Variants in VPS54 observed in about 807,000 individuals in gnomAD.
VPS54 encodes the protein VPS54 subunit of GARP complex.
VPS54 carries 45 observed loss-of-function variants against 121.5 expected under a neutral mutation model. The ratio of observed to expected loss-of-function variants is 0.37; its 90% CI spans 0.29 to 0.47. The LOEUF is 0.47. Among genes scored for constraint, VPS54 ranks in the 20% least tolerant of loss-of-function variants. VPS54 has a pLI of 0.99. For synonymous variants in VPS54, 371 were observed against 385.8 expected (o/e 0.96, Z 0.45); for missense variants, 1,090 against 1,131.4 (o/e 0.96, Z 0.52).
At chr2:63,916,639 T>C (rs1033635950) in intron 16 of VPS54, among the ~76,000 whole-genome samples, 4 of 152,124 alleles carry the variant, frequency 2.6e-5, no homozygotes, top group Admixed American at 2.0e-4. Context: ...TCTTGGGTTG[T>C]CTAGATTTCT....
rs9309357 is a variant in VPS54, at chr2:63,938,059, G to GTGGTGTGTGTGTGTGT, written c.1399-4047_1399-4046insACACACACACACACCA. Among the ~76,000 whole-genome samples the GTGGTGTGTGTGTGTGT allele has an allele frequency of 1.3e-4, 18 of 140,472 alleles. No homozygotes were observed. In the East Asian group the frequency reaches 1.4e-3, roughly 11 times the overall value. 92.2% of individuals were successfully genotyped at this position (140,472 alleles called of 152,430 possible). A position where few individuals can be genotyped will look rare whatever the true frequency, so the allele number is the denominator to read the frequency against. On this transcript the variant is annotated intron_variant, in intron 11 of 22. Coordinates refer to ENST00000272322, the MANE Select transcript of VPS54 (RefSeq NM_016516.3). ...AAACGTGTGTGTGTGTGGTGTGTGT[G>GTGGTGTGTGTGTGTGT]GTGTGTGTGTGTGTGTGTGTGTGTG...
At position 63,947,509 on chromosome 2, in the gene VPS54, G is replaced by A; in HGVS notation, c.1138-19C>T. On this transcript the variant is annotated intron_variant, in intron 8 of 22. Coordinates refer to ENST00000272322, the MANE Select transcript of VPS54 (RefSeq NM_016516.3). ...GTCTTTCCTGTTAAAATAAAAGTAT[G>A]TAACTTGACATTTTAAATATGAAGT... The A allele has an allele frequency of 1.4e-6, 2 of 1,448,188 alleles. No homozygotes were observed. Among genetic ancestry groups the A allele is most frequent in the Non-Finnish European group, 1.9e-6 (2 of 1,068,770 alleles). The allele number at this position is 1,448,188 out of a possible 1,614,324, so 89.7% of individuals were successfully genotyped here.
chr2:63,982,816 T>G (rs1457433290), intron 2 of VPS54, among the ~76,000 whole-genome samples: 1 of 152,172 alleles, frequency 6.6e-6, no homozygotes, highest in East Asian at 1.9e-4. Context: ...AACATTAGTT[T>G]ATAGTATGAG....
intron 20 of VPS54, among the ~76,000 whole-genome samples, chr2:63,901,630 C>G (rs190812899): frequency 1.6e-4 from 24 of 152,258 alleles, no homozygotes; most frequent in African/African-American, 5.3e-4. Flanking sequence ...CCCCCAAACC[C>G]TATTCTCATA....
chr2:64,004,366 A>C (rs1678026503), intron 1 of VPS54, among the ~76,000 whole-genome samples: 2 of 152,344 alleles, frequency 1.3e-5, no homozygotes, highest in South Asian at 4.1e-4. Flanking sequence ...TGTTAAAAAC[A>C]TTATATTCTC....
At position 63,920,641 on chromosome 2, in the gene VPS54, C is replaced by T. The variant is rs775657140; in HGVS notation, c.1870-14G>A. The T allele has an allele frequency of 1.4e-6, 2 of 1,448,338 alleles. No individual in the cohort carries two copies. Among genetic ancestry groups the T allele is most frequent in the Admixed American group, 2.4e-5 (1 of 41,890 alleles). The allele number at this position is 1,448,338 out of a possible 1,614,324, so 89.7% of individuals were successfully genotyped here. ...AAGAAAACCATCCTAAATTTTAATA[C>T]AAAAATCATGAGAGTTAGTGTAACA... On this transcript the variant is annotated splice_polypyrimidine_tract_variant and intron_variant, in intron 13 of 22. Coordinates refer to ENST00000272322, the MANE Select transcript of VPS54 (RefSeq NM_016516.3).
chr2:63,990,620 C>T (rs1296502561), intron 1 of VPS54, among the ~76,000 whole-genome samples: 1 of 150,908 alleles, frequency 6.6e-6, no homozygotes, highest in Non-Finnish European at 1.5e-5. Flanking sequence ...CCTGGTCCGA[C>T]CCCCTCAACC....
At chr2:63,968,090 T>C (rs562814202) in intron 5 of VPS54, among the ~76,000 whole-genome samples, 1 of 151,928 alleles carries the variant, frequency 6.6e-6, no homozygotes, top group East Asian at 1.9e-4. Flanking sequence ...ATATAAATGA[T>C]ATCCTTCTAC....
intron 1 of VPS54, among the ~76,000 whole-genome samples, chr2:64,014,556 TATCA>T (rs1311583111): frequency 7.8e-6 from 1 of 127,812 alleles, no homozygotes; most frequent in East Asian, 2.1e-4. Flanking sequence ...ACTAGTTTGT[TATCA>T]ATATTTGTAT....
chr2:64,002,636 G>T (rs866065428), intron 1 of VPS54, among the ~76,000 whole-genome samples: 1 of 152,294 alleles, frequency 6.6e-6, no homozygotes, highest in African/African-American at 2.4e-5. Flanking sequence ...CTAGAAATAT[G>T]CAGGGAGATG....
intron 7 of VPS54, among the ~76,000 whole-genome samples, chr2:63,956,976 C>T (rs942651819): frequency 5.3e-5 from 8 of 152,088 alleles, no homozygotes; most frequent in Non-Finnish European, 8.8e-5. Context: ...CATTCGAATG[C>T]ATTCTTGGGC....
intron 20 of VPS54, among the ~76,000 whole-genome samples, chr2:63,904,998 TAAATAA>T (rs1251110536): frequency 5.3e-5 from 8 of 151,782 alleles, no homozygotes; most frequent in Non-Finnish European, 1.2e-4. Context: ...TATTTTGAAA[TAAATAA>T]AAATAAAAGC....
At chr2:63,920,177 A>G (rs899085417) in intron 14 of VPS54, among the ~76,000 whole-genome samples, 182 bp from the exon 15 acceptor site, 2 of 152,174 alleles carry the variant, frequency 1.3e-5, no homozygotes, top group African/African-American at 4.8e-5. Flanking sequence ...CTAATCAAAA[A>G]GAATGATGAA....
intron 20 of VPS54, 116 bp from the exon 21 acceptor site, chr2:63,899,697 C>T: frequency 1.3e-6 from 1 of 791,836 alleles, no homozygotes; most frequent in Non-Finnish European, 2.0e-6. Context: ...TGGCATAGTA[C>T]TTAAGCTTAC....
intron 3 of VPS54, among the ~76,000 whole-genome samples, chr2:63,978,031 G>A (rs770712649): frequency 6.6e-6 from 1 of 152,128 alleles, no homozygotes; most frequent in Non-Finnish European, 1.5e-5. Flanking sequence ...CCACTGATGT[G>A]GTGGTAATGC....
intron 22 of VPS54, 146 bp downstream of exon 22, chr2:63,897,350 G>T (rs1672488389): frequency 6.9e-6 from 4 of 577,490 alleles, no homozygotes; most frequent in Non-Finnish European, 1.2e-5. Context: ...ATTTCCACAG[G>T]GGAAAAAAAA....
intron 1 of VPS54, among the ~76,000 whole-genome samples, chr2:64,001,175 G>C (rs1319262101): frequency 6.6e-6 from 1 of 152,142 alleles, no homozygotes; most frequent in African/African-American, 2.4e-5. Context: ...GGCCCATAGG[G>C]AGTACTGCCA....
chr2:63,905,370 C>T (rs1278611804), intron 20 of VPS54, among the ~76,000 whole-genome samples: 1 of 152,050 alleles, frequency 6.6e-6, no homozygotes, highest in Non-Finnish European at 1.5e-5. Context: ...TAATACAGAT[C>T]CTCACTGACA....
At chr2:64,008,288 C>T (rs1038284302) in intron 1 of VPS54, among the ~76,000 whole-genome samples, 6 of 151,988 alleles carry the variant, frequency 3.9e-5, no homozygotes, top group African/African-American at 1.2e-4. Flanking sequence ...GTGGCATGCA[C>T]CTGTAATCCC....
Sources: allele counts gnomAD v4.1 joint callset (sites outside exome capture counted in the v4.1 genomes callset), GRCh38; gene constraint gnomAD v4.1.1; transcripts MANE v1.5; gene names NCBI Gene and HGNC (gene_info 2026-07-23, HGNC 2026-07-21).